CAMK2D: variants seen among roughly 807,000 people sequenced by gnomAD.
CAMK2D encodes the protein calcium/calmodulin-dependent protein kinase type II subunit delta.
Under a neutral mutation model 84.0 loss-of-function variants are expected in CAMK2D, and 37 were observed. The ratio of observed to expected loss-of-function variants is 0.44; its 90% CI spans 0.34 to 0.58. CAMK2D has a LOEUF of 0.58. CAMK2D is among the 20% of genes least tolerant of loss of function. The pLI is 0.02. For missense variants in CAMK2D, 448 were observed against 652.5 expected, an observed-to-expected ratio of 0.69 and a Z score of 3.41; for synonymous variants, 202 against 212.5, an observed-to-expected ratio of 0.95 and a Z score of 0.43.
chr4:113,483,913 A>G (rs1047423175), intron 16 of CAMK2D, among the ~76,000 whole-genome samples: 1 of 152,168 alleles, frequency 6.6e-6, no homozygotes, highest in African/African-American at 2.4e-5. Flanking sequence ...GGGTGCATCT[A>G]TGAGAATGTC....
rs905806506 is a variant in CAMK2D at position 113,545,366 on chromosome 4, T to C, written c.414+2278A>G. On this transcript the variant is annotated intron_variant, in intron 6 of 20. Coordinates refer to ENST00000511664, the MANE Select transcript of CAMK2D (RefSeq NM_001321571.2). ...ACTGATGTGGACAAATTAAACTATG[T>C]GCATCAAACATTTCTATCGCACATC... Among the ~76,000 whole-genome samples, 9 of 152,192 alleles carry C rather than the reference T, an allele frequency of 5.9e-5. No individual in the cohort carries two copies. In the East Asian group the frequency reaches 7.7e-4, roughly 13 times the overall value.
intron 4 of CAMK2D, among the ~76,000 whole-genome samples, chr4:113,596,418 C>T (rs2098926835): frequency 6.6e-6 from 1 of 152,180 alleles, no homozygotes; most frequent in Non-Finnish European, 1.5e-5. Flanking sequence ...AATGGTAAAT[C>T]CTTTCCAGAA....
At chr4:113,528,557 G>GT (rs2098437303) in intron 8 of CAMK2D, among the ~76,000 whole-genome samples, 1 of 152,114 alleles carries the variant, frequency 6.6e-6, no homozygotes. Context: ...CAAAGAAAGA[G>GT]TATGAAATGT....
At chr4:113,748,909 T>C (rs534673152) in intron 2 of CAMK2D, among the ~76,000 whole-genome samples, 1 of 152,026 alleles carries the variant, frequency 6.6e-6, no homozygotes, top group South Asian at 2.1e-4. Context: ...CAGAGGTATG[T>C]CTGAAGTTTG....
At chr4:113,738,965 A>G (rs934379295) in intron 2 of CAMK2D, among the ~76,000 whole-genome samples, 3 of 152,176 alleles carry the variant, frequency 2.0e-5, no homozygotes, top group African/African-American at 7.2e-5. Flanking sequence ...GTAAAAATAA[A>G]TATTAACTGT....
chr4:113,530,547 T>G (rs2098451202), intron 8 of CAMK2D, among the ~76,000 whole-genome samples: 1 of 152,176 alleles, frequency 6.6e-6, no homozygotes, highest in African/African-American at 2.4e-5. Flanking sequence ...ATAAAATGCA[T>G]GTGTTAAAAT....
intron 2 of CAMK2D, among the ~76,000 whole-genome samples, chr4:113,692,570 A>G (rs1021093235): frequency 1.3e-5 from 2 of 152,022 alleles, no homozygotes; most frequent in African/African-American, 2.4e-5. Flanking sequence ...ATATAGTCAT[A>G]CATACATATA....
rs563668027 is a variant in CAMK2D, at chr4:113,633,141, C to G, written c.221-23935G>C. ...AAACTAAACGTAGGCATTAAAAGGCCTATATGTTGAGTCTTCATGGGCTGT... is the reference window on the plus strand; with the variant it reads ...AAACTAAACGTAGGCATTAAAAGGCGTATATGTTGAGTCTTCATGGGCTGT... On this transcript the variant is annotated intron_variant, in intron 3 of 20. Transcript: ENST00000511664. Among the ~76,000 whole-genome samples, 3 of 152,240 alleles carry G rather than the reference C, an allele frequency of 2.0e-5. No homozygotes were observed. The South Asian group carries it at 6.2e-4, about 32-fold the overall frequency.
At chr4:113,543,382 GAT>G (rs2098544243) in intron 6 of CAMK2D, among the ~76,000 whole-genome samples, 1 of 94,558 alleles carries the variant, frequency 1.1e-5, no homozygotes, top group South Asian at 2.7e-4. Context: ...TATATATATT[GAT>G]TTTTTTTTTT....
intron 8 of CAMK2D, among the ~76,000 whole-genome samples, chr4:113,526,773 G>A (rs2098421110): frequency 6.6e-6 from 1 of 152,014 alleles, no homozygotes; most frequent in Non-Finnish European, 1.5e-5. Context: ...CTAAGACAGT[G>A]AATCCAAACT....
intron 16 of CAMK2D, among the ~76,000 whole-genome samples, chr4:113,486,913 G>T (rs917804997): frequency 5.9e-5 from 9 of 152,094 alleles, no homozygotes; most frequent in Non-Finnish European, 1.0e-4. Flanking sequence ...TTGTGTCTTT[G>T]CCTGCAACAT....
intron 2 of CAMK2D, among the ~76,000 whole-genome samples, chr4:113,735,697 A>G (rs1027153683): frequency 6.6e-6 from 1 of 152,236 alleles, no homozygotes; most frequent in African/African-American, 2.4e-5. Context: ...TTTAAAGCAC[A>G]GCAATTTTGT....
At chr4:113,635,917 G>A (rs1161005430) in intron 3 of CAMK2D, among the ~76,000 whole-genome samples, 1 of 152,188 alleles carries the variant, frequency 6.6e-6, no homozygotes, top group African/African-American at 2.4e-5. Flanking sequence ...TGTGGTTAAA[G>A]CAGGCATCTG....
intron 4 of CAMK2D, among the ~76,000 whole-genome samples, chr4:113,577,013 C>G (rs563622640): frequency 1.8e-3 from 281 of 152,212 alleles, no homozygotes; most frequent in African/African-American, 6.4e-3. Flanking sequence ...CGTTTTACCA[C>G]AGGTTTTTCA....
chr4:113,610,137 A>T (rs2098994059), intron 3 of CAMK2D, among the ~76,000 whole-genome samples: 1 of 151,950 alleles, frequency 6.6e-6, no homozygotes, highest in South Asian at 2.1e-4. Context: ...GTTGATGTAC[A>T]GATTATTTTG....
intron 16 of CAMK2D, among the ~76,000 whole-genome samples, chr4:113,482,442 T>A (rs189310187): frequency 6.6e-6 from 1 of 152,184 alleles, no homozygotes; most frequent in Non-Finnish European, 1.5e-5. Context: ...AACATAGTCA[T>A]ATCAATTCAG....
intron 5 of CAMK2D, chr4:113,548,830 A>G: frequency 3.4e-6 from 2 of 590,778 alleles, no homozygotes; most frequent in Admixed American, 6.5e-5. Flanking sequence ...ACAAACAAAC[A>G]AACAAAAATT....
At chr4:113,731,931 G>T (rs1296311630) in intron 2 of CAMK2D, among the ~76,000 whole-genome samples, 1 of 151,854 alleles carries the variant, frequency 6.6e-6, no homozygotes, top group Non-Finnish European at 1.5e-5. Flanking sequence ...ATTCCCATTT[G>T]TTATGTCCAC....
At chr4:113,504,586 A>T (rs2098102029) in intron 14 of CAMK2D, among the ~76,000 whole-genome samples, 1 of 152,190 alleles carries the variant, frequency 6.6e-6, no homozygotes, top group Non-Finnish European at 1.5e-5. Flanking sequence ...TGATGTAAGC[A>T]TTTGCATCAT....
Sources: gnomAD v4.1 joint callset for allele counts (sites outside exome capture counted in the v4.1 genomes callset) on GRCh38, gnomAD v4.1.1 for gene constraint, MANE v1.5 for transcripts, NCBI Gene and HGNC (gene_info 2026-07-23, HGNC 2026-07-21) for gene names.